Variants in RCOR1 observed in about 807,000 individuals in gnomAD.
RCOR1 encodes REST corepressor 1.
A neutral mutation model predicts 64.0 loss-of-function variants in RCOR1; 12 were observed. That is an observed-to-expected ratio of 0.19 (90% CI 0.12 to 0.30). The LOEUF (loss-of-function observed/expected upper bound fraction) is 0.30, where lower values mean the gene tolerates loss of function less well. Among genes scored for constraint, RCOR1 ranks in the 10% least tolerant of loss-of-function variants. The pLI is 1.00. For synonymous variants in RCOR1, 279 were observed against 227.2 expected (o/e 1.23, Z -2.05); for missense variants, 502 against 621.2 (o/e 0.81, Z 2.04).
Position 102,729,674 on chromosome 14 carries a change from C to T in RCOR1, c.*3168C>T, listed in dbSNP as rs1444812112. 1 of 394,740 alleles carries T rather than the reference C, an allele frequency of 2.5e-6. No homozygotes were observed. Among genetic ancestry groups the T allele is most frequent in the East Asian group, 3.6e-5 (1 of 27,868 alleles). 24.5% of individuals were successfully genotyped at this position (394,740 alleles called of 1,614,324 possible). ...TAAAGTTTCCTCAGATACCACAGAC[C>T]ACTGTTAAGTGTGCTCATTGTCACT... On this transcript the variant is annotated 3_prime_UTR_variant, in exon 12 of 12. Transcript: ENST00000262241.
intron 3 of RCOR1, among the ~76,000 whole-genome samples, chr14:102,691,857 C>A (rs1895539859): frequency 6.6e-6 from 1 of 152,186 alleles, no homozygotes; most frequent in South Asian, 2.1e-4. Context: ...ATTATCAGTT[C>A]TTGACTATTA....
At chr14:102,629,042 C>G (rs944548805) in intron 2 of RCOR1, among the ~76,000 whole-genome samples, 1 of 152,066 alleles carries the variant, frequency 6.6e-6, no homozygotes, top group Non-Finnish European at 1.5e-5. Context: ...TACAGGCGTG[C>G]GCCACCACAT....
At chr14:102,681,770 A>C (rs536852583) in intron 2 of RCOR1, 125 bp from the exon 3 acceptor site, 2 of 625,618 alleles carry the variant, frequency 3.2e-6, no homozygotes, top group South Asian at 4.2e-5. Context: ...TCTGATGTTA[A>C]GTGTGGGGCC....
At chr14:102,711,836 A>G (rs1396005779) in intron 7 of RCOR1, among the ~76,000 whole-genome samples, 1 of 152,220 alleles carries the variant, frequency 6.6e-6, no homozygotes, top group African/African-American at 2.4e-5. Flanking sequence ...AAAGTGATTT[A>G]TAATATTATC....
intron 2 of RCOR1, among the ~76,000 whole-genome samples, chr14:102,628,272 C>T (rs1894023535): frequency 6.6e-6 from 1 of 152,174 alleles, no homozygotes; most frequent in Admixed American, 6.5e-5. Context: ...TCTGAAAGCA[C>T]TGTCACAGAT....
At chr14:102,619,449 G>GTCTA (rs796814177) in intron 2 of RCOR1, among the ~76,000 whole-genome samples, 5 of 145,034 alleles carry the variant, frequency 3.4e-5, no homozygotes, top group African/African-American at 1.3e-4. Context: ...CTGTCTGTCT[G>GTCTA]TCTATCTATC....
At chr14:102,619,303 A>G (rs1184178042) in intron 2 of RCOR1, among the ~76,000 whole-genome samples, 1 of 152,000 alleles carries the variant, frequency 6.6e-6, no homozygotes, top group African/African-American at 2.4e-5. Context: ...TATTTTTAGT[A>G]GAGTTGGGGT....
chr14:102,722,589 G>A (rs1233896742), intron 11 of RCOR1, among the ~76,000 whole-genome samples, 173 bp downstream of exon 11: 1 of 152,162 alleles, frequency 6.6e-6, no homozygotes, highest in Non-Finnish European at 1.5e-5. Context: ...AGTTCTTGGT[G>A]CCTGTATATT....
In RCOR1 at chr14:102,729,546, C is replaced by T. The variant is rs1896329947; in HGVS notation, c.*3040C>T. 1 of 260,218 alleles carries T rather than the reference C, an allele frequency of 3.8e-6. No individual in the cohort carries two copies. The highest frequency in any genetic ancestry group is 7.2e-6 in the Non-Finnish European group (1 of 138,910). The allele number at this position is 260,218 out of a possible 1,614,324, so 16.1% of individuals were successfully genotyped here. A position where few individuals can be genotyped will look rare whatever the true frequency, so the allele number is the denominator to read the frequency against. On this transcript the variant is annotated 3_prime_UTR_variant, in exon 12 of 12. Coordinates refer to ENST00000262241, the MANE Select transcript of RCOR1 (RefSeq NM_015156.4). Reference sequence around the variant, plus strand: ...TTAACCTATAAGACGTTCTGATGCTCACAAACCTCTATTCAACACACAAAA... The same window carrying T: ...TTAACCTATAAGACGTTCTGATGCTTACAAACCTCTATTCAACACACAAAA...
At chr14:102,707,891 C>T (rs200294298) in intron 5 of RCOR1, among the ~76,000 whole-genome samples, 5 of 152,058 alleles carry the variant, frequency 3.3e-5, no homozygotes, top group South Asian at 2.1e-4. Context: ...CGGGTTCAAG[C>T]GATTCTCCTG....
intron 3 of RCOR1, among the ~76,000 whole-genome samples, chr14:102,698,882 G>A (rs1595236048): frequency 6.6e-6 from 1 of 151,646 alleles, no homozygotes; most frequent in Non-Finnish European, 1.5e-5. Context: ...GTATTGTGAA[G>A]GAAAAAGCAA....
intron 11 of RCOR1, among the ~76,000 whole-genome samples, chr14:102,724,469 T>C (rs1896224255): frequency 2.0e-5 from 3 of 152,034 alleles, no homozygotes; most frequent in African/African-American, 4.8e-5. Context: ...GTAGCTGGGA[T>C]TATGGGTGTG....
intron 2 of RCOR1, among the ~76,000 whole-genome samples, chr14:102,648,917 G>C (rs1185173872): frequency 6.6e-6 from 1 of 152,172 alleles, no homozygotes; most frequent in Non-Finnish European, 1.5e-5. Flanking sequence ...AGTTAGTCCA[G>C]ATTGGTGAGT....
chr14:102,646,458 A>G (rs902074586), intron 2 of RCOR1, among the ~76,000 whole-genome samples: 6 of 152,234 alleles, frequency 3.9e-5, no homozygotes, highest in African/African-American at 1.4e-4. Flanking sequence ...GAGAAAATGC[A>G]TGACATAAAA....
chr14:102,620,893 C>T (rs1893859181), intron 2 of RCOR1, among the ~76,000 whole-genome samples: 1 of 152,058 alleles, frequency 6.6e-6, no homozygotes, highest in Admixed American at 6.6e-5. Context: ...AATAAGGCCT[C>T]TCCTAACCTA....
At chr14:102,706,197 A>G (rs1357037281) in intron 4 of RCOR1, among the ~76,000 whole-genome samples, 1 of 151,680 alleles carries the variant, frequency 6.6e-6, no homozygotes, top group Non-Finnish European at 1.5e-5. Flanking sequence ...TAAGGAATGT[A>G]CAAAACAAAT....
chr14:102,695,669 C>T (rs572847961), intron 3 of RCOR1, among the ~76,000 whole-genome samples: 2 of 152,066 alleles, frequency 1.3e-5, no homozygotes, highest in African/African-American at 4.8e-5. Context: ...CTTCAGCCTC[C>T]TGAGCAGCTG....
intron 2 of RCOR1, among the ~76,000 whole-genome samples, chr14:102,644,590 C>T (rs187445023): frequency 1.3e-5 from 2 of 152,060 alleles, no homozygotes; most frequent in Admixed American, 6.5e-5. Flanking sequence ...AGTTCAGCAT[C>T]TTGTCACCTG....
At chr14:102,706,995 T>C (rs1045391137) in intron 4 of RCOR1, among the ~76,000 whole-genome samples, 5 of 152,018 alleles carry the variant, frequency 3.3e-5, no homozygotes, top group Non-Finnish European at 7.4e-5. Context: ...TGTATACTTA[T>C]CATTTCCAAG....
Sources: allele counts gnomAD v4.1 joint callset (sites outside exome capture counted in the v4.1 genomes callset), GRCh38; gene constraint gnomAD v4.1.1; transcripts MANE v1.5; gene names NCBI Gene and HGNC (gene_info 2026-07-23, HGNC 2026-07-21).